FGGY: variants seen among roughly 807,000 people sequenced by gnomAD.
FGGY encodes the protein FGGY carbohydrate kinase domain-containing protein.
In FGGY, 72 loss-of-function variants were observed where a neutral mutation model predicts 71.3. That is an observed-to-expected ratio of 1.01 (90% CI 0.84 to 1.23). The LOEUF is 1.23. Ranked by LOEUF, FGGY falls within the 50% of genes most tolerant of loss-of-function variation. FGGY has a pLI of 0.00. For synonymous variants in FGGY, 251 were observed against 250.3 expected (o/e 1.00, Z -0.02); for missense variants, 668 against 682.3 (o/e 0.98, Z 0.23).
chr1:59,613,685 T>C (rs12097545), intron 9 of FGGY, among the ~76,000 whole-genome samples: 4,682 of 152,102 alleles, frequency 0.031, 236 homozygotes, highest in African/African-American at 0.11. Flanking sequence ...CAAAAAACCC[T>C]TCAAAAAATC....
intron 5 of FGGY, among the ~76,000 whole-genome samples, chr1:59,379,590 C>G (rs2059134785): frequency 6.6e-6 from 1 of 152,066 alleles, no homozygotes. Flanking sequence ...CTGTACACTT[C>G]TATAGACTTT....
chr1:59,736,015 G>A (rs1320596444), intron 14 of FGGY, among the ~76,000 whole-genome samples: 1 of 152,036 alleles, frequency 6.6e-6, no homozygotes, highest in Non-Finnish European at 1.5e-5. Flanking sequence ...CTGAATCATG[G>A]GGGCAGGTCT....
intron 14 of FGGY, among the ~76,000 whole-genome samples, chr1:59,696,810 A>C (rs537641862): frequency 1.3e-5 from 2 of 152,138 alleles, no homozygotes; most frequent in Non-Finnish European, 2.9e-5. Flanking sequence ...ATTTGGAAAA[A>C]TAGGAATCTG....
intron 5 of FGGY, among the ~76,000 whole-genome samples, chr1:59,454,603 G>T (rs564843013): frequency 3.0e-4 from 46 of 152,282 alleles, no homozygotes; most frequent in Middle Eastern, 3.4e-3. Context: ...GCCTCACTCA[G>T]TGCTACCTCC....
chr1:59,725,698 A>G (rs974941860), intron 14 of FGGY, among the ~76,000 whole-genome samples: 3 of 151,842 alleles, frequency 2.0e-5, no homozygotes, highest in East Asian at 3.9e-4. Context: ...TTTTTCCTCA[A>G]TGGTAATTGC....
At chr1:59,531,455 A>T (rs1189410556) in intron 7 of FGGY, among the ~76,000 whole-genome samples, 1 of 152,240 alleles carries the variant, frequency 6.6e-6, no homozygotes, top group Non-Finnish European at 1.5e-5. Context: ...GGTGAAAATT[A>T]AATGTATCCA....
At chr1:59,552,554 G>T (rs2095624175) in intron 7 of FGGY, among the ~76,000 whole-genome samples, 1 of 152,168 alleles carries the variant, frequency 6.6e-6, no homozygotes, top group South Asian at 2.1e-4. Flanking sequence ...TTACTTTCTA[G>T]CAAGTATCTG....
intron 5 of FGGY, among the ~76,000 whole-genome samples, chr1:59,394,948 A>G (rs1260335527): frequency 1.3e-5 from 2 of 151,900 alleles, no homozygotes; most frequent in Admixed American, 1.3e-4. Context: ...CTTTGCACGT[A>G]CTGTTTCCTC....
intron 12 of FGGY, among the ~76,000 whole-genome samples, chr1:59,660,770 G>A (rs1215883688): frequency 6.6e-6 from 1 of 152,172 alleles, no homozygotes; most frequent in Non-Finnish European, 1.5e-5. Context: ...GATTAGGGAG[G>A]AAGAGGGGAA....
intron 2 of FGGY, among the ~76,000 whole-genome samples, chr1:59,330,548 G>A (rs1429329219): frequency 2.8e-5 from 4 of 143,888 alleles, no homozygotes; most frequent in Non-Finnish European, 4.5e-5. Flanking sequence ...CAGCCTGGGC[G>A]ACAAAGCAAG....
chr1:59,543,326 C>T (rs2095473299), intron 7 of FGGY, among the ~76,000 whole-genome samples: 1 of 152,162 alleles, frequency 6.6e-6, no homozygotes, highest in Non-Finnish European at 1.5e-5. Context: ...CTTACAATCC[C>T]GTTTCTAGTC....
intron 6 of FGGY, among the ~76,000 whole-genome samples, chr1:59,469,275 T>G (rs888609928): frequency 2.0e-5 from 3 of 152,220 alleles, no homozygotes; most frequent in African/African-American, 7.2e-5. Flanking sequence ...TCAGCAGAGA[T>G]TAATTCAGCT....
chr1:59,736,013 TGGG>T (rs1458775229), intron 14 of FGGY, among the ~76,000 whole-genome samples: 1 of 152,128 alleles, frequency 6.6e-6, no homozygotes. Flanking sequence ...AACTGAATCA[TGGG>T]GGCAGGTCTT....
chr1:59,757,370 C>T (rs2098300974), intron 14 of FGGY, among the ~76,000 whole-genome samples: 1 of 152,198 alleles, frequency 6.6e-6, no homozygotes, highest in Admixed American at 6.5e-5. Context: ...CCTGAAGTCA[C>T]ATTCCAGAAC....
intron 8 of FGGY, among the ~76,000 whole-genome samples, chr1:59,598,702 A>G (rs1171850444): frequency 6.6e-6 from 1 of 152,232 alleles, no homozygotes; most frequent in Non-Finnish European, 1.5e-5. Context: ...AACCACTTTG[A>G]AACCCCCAAA....
chr1:59,631,525 A>C (rs1408447452), intron 10 of FGGY, among the ~76,000 whole-genome samples: 1 of 152,324 alleles, frequency 6.6e-6, no homozygotes, highest in South Asian at 2.1e-4. Context: ...AAACAGGCAT[A>C]GCTGTTTTTG....
rs868040254 is a variant in FGGY at position 59,505,874 on chromosome 1, G to C, written c.671-6437G>C. On this transcript the variant is annotated intron_variant, in intron 6 of 15. Coordinates refer to ENST00000303721, the MANE Select transcript of FGGY (RefSeq NM_018291.5). ...GATAATTGAAAAACTGGTAGGGGAAGATTTGGTGTAATAGGAGCCCCCGCC... is the reference window on the plus strand; with the variant it reads ...GATAATTGAAAAACTGGTAGGGGAACATTTGGTGTAATAGGAGCCCCCGCC... 2.8e-4 allele frequency among the ~76,000 whole-genome samples: 42 copies of C among 152,278 alleles called. 1 individual carries two copies. Among genetic ancestry groups the C allele is most frequent in the Non-Finnish European group, 1.0e-4 (7 of 68,016 alleles).
At chr1:59,355,544 A>G (rs1049842232) in intron 4 of FGGY, among the ~76,000 whole-genome samples, 2 of 144,300 alleles carry the variant, frequency 1.4e-5, no homozygotes, top group Non-Finnish European at 3.0e-5. Context: ...ATTATTGAGC[A>G]AGGGATTTTT....
At chr1:59,355,506 A>G (rs2153226397) in intron 4 of FGGY, among the ~76,000 whole-genome samples, 1 of 152,246 alleles carries the variant, frequency 6.6e-6, no homozygotes. Flanking sequence ...TTGTAGTCAT[A>G]GCTAACCTTT....
Sources: gnomAD v4.1 joint callset for allele counts (sites outside exome capture counted in the v4.1 genomes callset) on GRCh38, gnomAD v4.1.1 for gene constraint, MANE v1.5 for transcripts, NCBI Gene and HGNC (gene_info 2026-07-23, HGNC 2026-07-21) for gene names.